RNF152: variants seen among roughly 807,000 people sequenced by gnomAD.
RNF152 encodes ring finger protein 152, also known as E3 ubiquitin-protein ligase RNF152.
A neutral mutation model predicts 12.7 loss-of-function variants in RNF152; 11 were observed. The ratio of observed to expected loss-of-function variants is 0.86; its 90% CI spans 0.54 to 1.43. The LOEUF is 1.43. Among genes scored for constraint, RNF152 ranks in the 40% most tolerant of loss-of-function variants. The pLI, the probability that RNF152 is intolerant of heterozygous loss-of-function variation, is 0.00. For missense variants in RNF152, 255 were observed against 274.8 expected (o/e 0.93, Z 0.51); for synonymous variants, 113 against 120.3 (o/e 0.94, Z 0.40).
Position 61,871,301 on chromosome 18 carries a change from C to T in RNF152, c.-136+21494G>A, listed in dbSNP as rs73458469. On this transcript the variant is annotated intron_variant, in intron 1 of 1. Coordinates refer to ENST00000312828, the MANE Select transcript of RNF152 (RefSeq NM_173557.3). ...AGACACATCATTTCATTCCTCTGGGCCTGCCTCTGGATTCCCACCTTAGAC... is the reference window on the plus strand; with the variant it reads ...AGACACATCATTTCATTCCTCTGGGTCTGCCTCTGGATTCCCACCTTAGAC... Among the ~76,000 whole-genome samples, 227 of 151,358 alleles carry T rather than the reference C, an allele frequency of 1.5e-3. 2 individuals carry two copies. Among genetic ancestry groups the T allele is most frequent in the African/African-American group, 5.2e-3 (214 of 41,290 alleles).
chr18:61,866,481 C>A (rs565025597), intron 1 of RNF152, among the ~76,000 whole-genome samples: 9 of 152,282 alleles, frequency 5.9e-5, no homozygotes, highest in South Asian at 2.1e-4. Flanking sequence ...CTTTGAGCCA[C>A]CTGATCATGC....
At chr18:61,831,051 G>A (rs1274913971) in intron 1 of RNF152, among the ~76,000 whole-genome samples, 1 of 152,148 alleles carries the variant, frequency 6.6e-6, no homozygotes, top group Non-Finnish European at 1.5e-5. Flanking sequence ...TCCATTAACA[G>A]GCCTTCTAGA....
rs1908964264 is a variant in RNF152 at position 61,814,410 on chromosome 18, C to T, written c.*1442G>A. 6.6e-6 allele frequency: 1 copy of T among 152,116 alleles called. No homozygotes were observed. Among genetic ancestry groups the T allele is most frequent in the Admixed American group, 6.5e-5 (1 of 15,270 alleles). 9.4% of individuals were successfully genotyped at this position (152,116 alleles called of 1,614,324 possible). A position where few individuals can be genotyped will look rare whatever the true frequency, so the allele number is the denominator to read the frequency against. Reference sequence around the variant, plus strand: ...TCACATACCACTTGCTTCATGAATTCCATAAAAGAAGTTAGATGAGAGCTG... The same window carrying T: ...TCACATACCACTTGCTTCATGAATTTCATAAAAGAAGTTAGATGAGAGCTG... On this transcript the variant is annotated 3_prime_UTR_variant, in exon 2 of 2. Coordinates refer to ENST00000312828, the MANE Select transcript of RNF152 (RefSeq NM_173557.3).
intron 1 of RNF152, among the ~76,000 whole-genome samples, chr18:61,847,838 C>T (rs1483083305): frequency 1.3e-5 from 2 of 152,106 alleles, no homozygotes; most frequent in Admixed American, 1.3e-4. Context: ...CTTGGAATCT[C>T]TGCTCTCAAA....
At chr18:61,851,922 A>G (rs1159050100) in intron 1 of RNF152, among the ~76,000 whole-genome samples, 1 of 152,228 alleles carries the variant, frequency 6.6e-6, no homozygotes, top group Non-Finnish European at 1.5e-5. Context: ...TTGAAAATAT[A>G]ACGACATCTG....
intron 1 of RNF152, among the ~76,000 whole-genome samples, chr18:61,853,581 G>A (rs145199973): frequency 2.0e-5 from 3 of 152,174 alleles, no homozygotes; most frequent in Non-Finnish European, 2.9e-5. Context: ...CTGAGCCATC[G>A]CACCTCACCG....
At chr18:61,892,713 C>A in intron 1 of RNF152, 82 bp downstream of exon 1, 1 of 152,414 alleles carries the variant, frequency 6.6e-6, no homozygotes, top group Non-Finnish European at 1.5e-5. Flanking sequence ...GATGCAGAAA[C>A]CACCCAAACA....
chr18:61,836,115 G>C (rs902678921), intron 1 of RNF152, among the ~76,000 whole-genome samples: 11 of 152,176 alleles, frequency 7.2e-5, no homozygotes, highest in Admixed American at 3.3e-4. Flanking sequence ...CTAGATCTTG[G>C]TATCTAAGTA....
intron 1 of RNF152, among the ~76,000 whole-genome samples, chr18:61,834,079 G>A (rs1319602943): frequency 6.6e-6 from 1 of 152,220 alleles, no homozygotes; most frequent in Non-Finnish European, 1.5e-5. Context: ...CAAAAGATGT[G>A]ACCCCTGGGT....
chr18:61,874,914 C>T (rs1197752898), intron 1 of RNF152: 1 of 152,016 alleles, frequency 6.6e-6, no homozygotes, highest in African/African-American at 2.4e-5. Flanking sequence ...TTTATGCTGA[C>T]CTGGTGAAAA....
chr18:61,856,513 A>G (rs1262848824), intron 1 of RNF152, among the ~76,000 whole-genome samples: 1 of 152,170 alleles, frequency 6.6e-6, no homozygotes, highest in Admixed American at 6.5e-5. Context: ...GGTCATAGCT[A>G]GGACCCTTCT....
rs946005852 is a variant in RNF152 at position 61,812,336 on chromosome 18, A to G, written c.*3516T>C. ...CATTTCCATCATCACAGAAAGCCCT[A>G]TTGAACAGTGCCAATCTAGAAGATC... On this transcript the variant is annotated 3_prime_UTR_variant, in exon 2 of 2. Coordinates refer to ENST00000312828, the MANE Select transcript of RNF152 (RefSeq NM_173557.3). 1.3e-5 allele frequency: 2 copies of G among 152,216 alleles called. No individual in the cohort carries two copies. The highest frequency in any genetic ancestry group is 4.8e-5 in the African/African-American group (2 of 41,444). 9.4% of individuals were successfully genotyped at this position (152,216 alleles called of 1,614,324 possible). A position where few individuals can be genotyped will look rare whatever the true frequency, so the allele number is the denominator to read the frequency against.
intron 1 of RNF152, among the ~76,000 whole-genome samples, chr18:61,887,878 G>A (rs755826917): frequency 2.6e-5 from 4 of 152,106 alleles, no homozygotes; most frequent in South Asian, 4.1e-4. Flanking sequence ...GTGGGAATGC[G>A]ATAGTGGCAG....
At chr18:61,865,085 T>A (rs1325093315) in intron 1 of RNF152, among the ~76,000 whole-genome samples, 2 of 152,008 alleles carry the variant, frequency 1.3e-5, no homozygotes. Context: ...ACCCAGGAAA[T>A]TACAAGGGTT....
chr18:61,859,936 G>A (rs937877118), intron 1 of RNF152, among the ~76,000 whole-genome samples: 1 of 151,778 alleles, frequency 6.6e-6, no homozygotes, highest in African/African-American at 2.4e-5. Context: ...TCAGAATGTA[G>A]CCTTATTTGG....
At chr18:61,887,332 T>C (rs1396542957) in intron 1 of RNF152, among the ~76,000 whole-genome samples, 2 of 152,226 alleles carry the variant, frequency 1.3e-5, no homozygotes, top group Non-Finnish European at 2.9e-5. Flanking sequence ...ACCATTGTCA[T>C]AGCCCAGAGA....
intron 1 of RNF152, 76 bp from the exon 2 acceptor site, chr18:61,816,674 T>G: frequency 1.8e-6 from 1 of 541,068 alleles, no homozygotes. Context: ...AATGGATTTA[T>G]ACCATTGCTC....
In RNF152 at chr18:61,815,611, A is replaced by T; in HGVS notation, c.*241T>A. On this transcript the variant is annotated 3_prime_UTR_variant, in exon 2 of 2. Coordinates refer to ENST00000312828, the MANE Select transcript of RNF152 (RefSeq NM_173557.3). ...ACAGTCCATTGAATACATGATTATG[A>T]GGATGCATGCAATCATCTTCCAAGC... The T allele has an allele frequency of 9.7e-6, 5 of 517,792 alleles. No individual in the cohort carries two copies. The Middle Eastern group carries it at 1.5e-3, about 159-fold the overall frequency. 32.1% of individuals were successfully genotyped at this position (517,792 alleles called of 1,614,324 possible). A position where few individuals can be genotyped will look rare whatever the true frequency, so the allele number is the denominator to read the frequency against.
rs1031523836 is a variant in RNF152, at chr18:61,809,820, G to GAT, written c.*6030_*6031dup. On this transcript the variant is annotated 3_prime_UTR_variant, in exon 2 of 2. Coordinates refer to ENST00000312828, the MANE Select transcript of RNF152 (RefSeq NM_173557.3). ...TCAAGCACCACTACATCATAGGTGA[G>GAT]ATATATATAGTGGGATACCCCAGGC... The GAT allele has an allele frequency of 3.0e-5, 4 of 133,250 alleles. No individual in the cohort carries two copies. The highest frequency in any genetic ancestry group is 2.5e-4 in the Admixed American group (3 of 11,794). 8.3% of individuals were successfully genotyped at this position (133,250 alleles called of 1,614,324 possible). A position where few individuals can be genotyped will look rare whatever the true frequency, so the allele number is the denominator to read the frequency against.
Sources: allele counts gnomAD v4.1 joint callset (sites outside exome capture counted in the v4.1 genomes callset), GRCh38; gene constraint gnomAD v4.1.1; transcripts MANE v1.5; gene names NCBI Gene and HGNC (gene_info 2026-07-23, HGNC 2026-07-21).